Variants in COL18A1 observed in about 807,000 individuals in gnomAD.
COL18A1 encodes the protein collagen type XVIII alpha 1 chain, also known as collagen alpha-1(XVIII) chain.
A neutral mutation model predicts 168.0 loss-of-function variants in COL18A1; 133 were observed. That is an observed-to-expected ratio of 0.79 (90% CI 0.69 to 0.91). COL18A1 has a LOEUF of 0.91. COL18A1 is among the 40% of genes least tolerant of loss of function. The probability of loss-of-function intolerance (pLI) is 0.00; values close to 1 mark genes in which losing one functional copy is unlikely to be tolerated. For missense variants in COL18A1, 2,126 were observed against 1,925.4 expected (o/e 1.10, Z -1.95); for synonymous variants, 949 against 809.0 (o/e 1.17, Z -2.94).
chr21:45,499,926 G>A (rs997724475), intron 32 of COL18A1, among the ~76,000 whole-genome samples: 4 of 152,230 alleles, frequency 2.6e-5, no homozygotes, highest in Admixed American at 2.6e-4. Flanking sequence ...TACATCTACA[G>A]GTGCTGTAAG....
At chr21:45,509,922 C>T in intron 39 of COL18A1, 142 bp from the exon 40 acceptor site, 2 of 960,732 alleles carry the variant, frequency 2.1e-6, no homozygotes, top group Admixed American at 2.5e-5. Context: ...CTGGGCCCCT[C>T]AGTGTGTCAC....
At chr21:45,410,416 G>T (rs935962640) in intron 2 of COL18A1, among the ~76,000 whole-genome samples, 5 of 46,806 alleles carry the variant, frequency 1.1e-4, no homozygotes, top group Middle Eastern at 8.6e-3. Flanking sequence ...GGGCACTGGT[G>T]GGGGGTCAAG....
chr21:45,504,272 C>G (rs527965113), intron 33 of COL18A1, 144 bp from the exon 34 acceptor site: 2 of 911,232 alleles, frequency 2.2e-6, no homozygotes, highest in Admixed American at 4.6e-5. Flanking sequence ...GGTGGGGAGT[C>G]GAGCCCTATT....
chr21:45,476,519 GGT>G, intron 6 of COL18A1, 39 bp downstream of exon 6: 1 of 1,557,138 alleles, frequency 6.4e-7, no homozygotes. Flanking sequence ...TGTGGTGTGG[GGT>G]GTGTGTGGTG....
At chr21:45,452,238 G>T (rs1389255065) in intron 2 of COL18A1, among the ~76,000 whole-genome samples, 2 of 152,264 alleles carry the variant, frequency 1.3e-5, no homozygotes, top group Non-Finnish European at 2.9e-5. Flanking sequence ...CTGCTAGCAG[G>T]ACTTGGGCAA....
At chr21:45,502,273 G>A (rs2036907634) in intron 32 of COL18A1, among the ~76,000 whole-genome samples, 1 of 152,212 alleles carries the variant, frequency 6.6e-6, no homozygotes, top group South Asian at 2.1e-4. Flanking sequence ...CAGGGGTGAG[G>A]TGGTCCCCAC....
chr21:45,437,142 A>ATG (rs1569287228), intron 2 of COL18A1, among the ~76,000 whole-genome samples: 19 of 81,062 alleles, frequency 2.3e-4, no homozygotes, highest in African/African-American at 1.2e-3. Context: ...CACTCTCCAC[A>ATG]CACACTCACA....
At chr21:45,412,640 C>A (rs141577993) in intron 2 of COL18A1, among the ~76,000 whole-genome samples, 3 of 152,212 alleles carry the variant, frequency 2.0e-5, no homozygotes, top group Non-Finnish European at 1.5e-5. Flanking sequence ...CAGGGGCCTG[C>A]GGCCCAGGCA....
chr21:45,487,312 C>A, intron 16 of COL18A1, 135 bp from the exon 17 acceptor site: 2 of 1,052,874 alleles, frequency 1.9e-6, no homozygotes, highest in Non-Finnish European at 2.8e-6. Context: ...CAGTCCCCAT[C>A]TGAGAACGGC....
intron 2 of COL18A1, among the ~76,000 whole-genome samples, chr21:45,451,637 A>C (rs1374291832): frequency 6.6e-6 from 1 of 152,190 alleles, no homozygotes. Flanking sequence ...CACGTTCTGC[A>C]CTCAGCAGCA....
Position 45,405,297 on chromosome 21 carries a change from TCG to T in COL18A1, c.11+59_11+60del, listed in dbSNP as rs1569270173. ...GGACGCCAAGATGCGGCTGCGGGGG[TCG>T]CGGGGGTCGCGGGGCTCGGCCGGGT... On this transcript the variant is annotated intron_variant, in intron 1 of 41. Coordinates refer to ENST00000651438, the MANE Select transcript of COL18A1 (RefSeq NM_001379500.1). The T allele has an allele frequency of 6.4e-5, 44 of 690,336 alleles. No individual in the cohort carries two copies. The South Asian group carries it at 2.3e-3, about 36-fold the overall frequency. 42.8% of individuals were successfully genotyped at this position (690,336 alleles called of 1,614,324 possible).
chr21:45,451,617 A>T (rs925883722), intron 2 of COL18A1, among the ~76,000 whole-genome samples: 2 of 152,186 alleles, frequency 1.3e-5, no homozygotes, highest in African/African-American at 4.8e-5. Context: ...GTTGAGTCGA[A>T]TGAGGACGCC....
At chr21:45,450,534 C>T (rs965549994) in intron 2 of COL18A1, among the ~76,000 whole-genome samples, 4 of 152,220 alleles carry the variant, frequency 2.6e-5, no homozygotes, top group East Asian at 3.8e-4. Context: ...CCCCTGTTCA[C>T]GTGTGGATGT....
chr21:45,436,037 G>A (rs2034086253), intron 2 of COL18A1, among the ~76,000 whole-genome samples: 1 of 152,182 alleles, frequency 6.6e-6, no homozygotes, highest in African/African-American at 2.4e-5. Context: ...GGGACACTGG[G>A]GCCTCAGGCT....
intron 15 of COL18A1, 121 bp downstream of exon 15, chr21:45,482,942 A>AC (rs1256154705): frequency 2.1e-6 from 3 of 1,420,852 alleles, no homozygotes; most frequent in Admixed American, 1.8e-5. Context: ...GCTGGCCTTG[A>AC]CCCCCACTCC....
rs112359725 is a variant in COL18A1 at position 45,509,447 on chromosome 21, G to C, written c.3341G>C (p.Arg1114Pro). ...PRREHPHPTA[R>P]PWRADDILAS... ...CGGGAGCACCCCCACCCCACCGCGC[G>C]GCCCTGGCGGGCAGATGACATCCTG... Residue 1114 changes from arginine to proline, a missense_variant, in exon 39 of 42, where the codon CGG (arginine) becomes CCG (proline). Coordinates refer to ENST00000651438, the MANE Select transcript of COL18A1 (RefSeq NM_001379500.1). 38 of 1,532,950 alleles carry C rather than the reference G, an allele frequency of 2.5e-5. No individual in the cohort carries two copies. Among genetic ancestry groups the C allele is most frequent in the Non-Finnish European group, 3.2e-5 (37 of 1,141,808 alleles). 95.0% of individuals were successfully genotyped at this position (1,532,950 alleles called of 1,614,324 possible).
intron 2 of COL18A1, chr21:45,424,502 T>G (rs891285765): frequency 7.9e-5 from 12 of 152,322 alleles, no homozygotes; most frequent in Admixed American, 7.2e-4. Flanking sequence ...AGGGCAGCCG[T>G]GCCTGAGCCT....
chr21:45,442,286 C>T lies in COL18A1; in HGVS notation c.107-25956C>T, dbSNP rs76701101. Reference sequence around the variant, plus strand: ...TTGCTTTTTCTCCTTTAAATCCCACCTGTGAGTTTTATTTTTGTAACTGCA... The same window carrying T: ...TTGCTTTTTCTCCTTTAAATCCCACTTGTGAGTTTTATTTTTGTAACTGCA... On this transcript the variant is annotated intron_variant, in intron 2 of 41. Transcript: ENST00000651438. 2.3e-3 allele frequency among the ~76,000 whole-genome samples: 345 copies of T among 152,372 alleles called. 1 individual carries two copies. The highest frequency in any genetic ancestry group is 8.1e-3 in the African/African-American group (337 of 41,584).
intron 2 of COL18A1, chr21:45,455,345 G>T (rs962659106): frequency 1.0e-5 from 8 of 763,698 alleles, no homozygotes; most frequent in African/African-American, 7.0e-5. Context: ...TGGAACCCCC[G>T]GGTGCTGGGC....
Sources: allele counts gnomAD v4.1 joint callset (sites outside exome capture counted in the v4.1 genomes callset), GRCh38; gene constraint gnomAD v4.1.1; transcripts MANE v1.5; gene names NCBI Gene and HGNC (gene_info 2026-07-23, HGNC 2026-07-21).